Variants in COLEC10 observed in about 807,000 individuals in gnomAD.
The protein encoded by COLEC10 is collectin-10.
Under a neutral mutation model 28.4 loss-of-function variants are expected in COLEC10, and 22 were observed. The ratio of observed to expected loss-of-function variants is 0.78; its 90% CI spans 0.55 to 1.11. COLEC10 has a LOEUF of 1.11. Among genes scored for constraint, COLEC10 ranks in the 50% least tolerant of loss-of-function variants. The pLI, the probability that COLEC10 is intolerant of heterozygous loss-of-function variation, is 0.00. For missense variants in COLEC10, 361 were observed against 344.1 expected, an observed-to-expected ratio of 1.05 and a Z score of -0.39; for synonymous variants, 125 against 116.1, an observed-to-expected ratio of 1.08 and a Z score of -0.49.
chr8:119,042,173 T>C (rs1814511184), intron 2 of COLEC10, among the ~76,000 whole-genome samples: 1 of 151,732 alleles, frequency 6.6e-6, no homozygotes, highest in African/African-American at 2.4e-5. Flanking sequence ...AATTTTTGTA[T>C]TTTTAGTAGA....
chr8:119,036,200 G>T (rs1814387263), intron 2 of COLEC10, among the ~76,000 whole-genome samples: 1 of 151,978 alleles, frequency 6.6e-6, no homozygotes. Flanking sequence ...GTTTATCCAA[G>T]AAGAAATTTA....
At chr8:118,968,911 T>C in the COLEC10 span, among the ~76,000 whole-genome samples, 1 of 152,118 alleles carries the variant, frequency 6.6e-6, no homozygotes, top group African/African-American at 2.4e-5. Context: ...AGAATGATGG[T>C]TTTGAACAAA....
intron 2 of COLEC10, among the ~76,000 whole-genome samples, chr8:119,042,926 C>A (rs147215430): frequency 2.6e-5 from 4 of 152,016 alleles, no homozygotes; most frequent in Non-Finnish European, 5.9e-5. Context: ...AATGAAGAAG[C>A]AATCCTGCTT....
chr8:118,982,920 T>A, the COLEC10 span: 2 of 152,190 alleles, frequency 1.3e-5, no homozygotes, highest in African/African-American at 4.8e-5. Context: ...GAGCTGTGGA[T>A]CTCAGTGCAC....
chr8:119,027,701 T>G (rs1814218088), intron 2 of COLEC10, among the ~76,000 whole-genome samples: 1 of 152,194 alleles, frequency 6.6e-6, no homozygotes, highest in Admixed American at 6.5e-5. Flanking sequence ...TGAGTTTAAC[T>G]TCTCTGCACA....
rs187441246 is a variant in COLEC10 at position 119,067,679 on chromosome 8, G to A, written c.148+250G>A. 53 of 391,062 alleles carry A rather than the reference G, an allele frequency of 1.4e-4. No individual in the cohort carries two copies. In the Admixed American group the frequency reaches 2.3e-3, roughly 17 times the overall value. The allele number at this position is 391,062 out of a possible 1,614,324, so 24.2% of individuals were successfully genotyped here. A position where few individuals can be genotyped will look rare whatever the true frequency, so the allele number is the denominator to read the frequency against. On this transcript the variant is annotated intron_variant, in intron 1 of 5. Transcript: ENST00000332843. ...GGAGATCTGAGGGAACTTACCCAGG[G>A]CAGGGGGAAATTCCCTGTTCCATTC...
intron 2 of COLEC10, among the ~76,000 whole-genome samples, chr8:119,040,968 T>A (rs1814483885): frequency 1.3e-5 from 2 of 152,160 alleles, no homozygotes; most frequent in South Asian, 4.1e-4. Context: ...GGACAATCCC[T>A]TAGGAAAAAA....
chr8:119,069,627 AAAATATATATATATAT>A (rs1444176508), intron 1 of COLEC10, among the ~76,000 whole-genome samples: 8 of 45,152 alleles, frequency 1.8e-4, no homozygotes, highest in South Asian at 2.4e-3. Context: ...AAAAAAAAAA[AAAATATATATATATAT>A]ATATATATAT....
intron 1 of COLEC10, among the ~76,000 whole-genome samples, chr8:119,088,221 G>T (rs1245626331): frequency 6.7e-6 from 1 of 150,126 alleles, no homozygotes; most frequent in Non-Finnish European, 1.5e-5. Flanking sequence ...AAGAGAGAGA[G>T]AAAGAAAAAA....
the COLEC10 span, among the ~76,000 whole-genome samples, chr8:118,962,219 G>T: frequency 6.6e-6 from 1 of 152,192 alleles, no homozygotes; most frequent in African/African-American, 2.4e-5. Flanking sequence ...AGTATGATGA[G>T]GAAAGTCCAA....
intron 2 of COLEC10, among the ~76,000 whole-genome samples, chr8:119,021,020 A>G (rs1814080997): frequency 6.6e-6 from 1 of 152,298 alleles, no homozygotes; most frequent in African/African-American, 2.4e-5. Flanking sequence ...TATATGGAAT[A>G]TAGAAATTGA....
At chr8:119,019,057 C>A (rs575380150) in intron 2 of COLEC10, among the ~76,000 whole-genome samples, 1 of 152,124 alleles carries the variant, frequency 6.6e-6, no homozygotes. Context: ...TGCAGTTACC[C>A]GCATCCAACA....
At chr8:118,953,638 A>T in the COLEC10 span, among the ~76,000 whole-genome samples, 5 of 152,206 alleles carry the variant, frequency 3.3e-5, no homozygotes, top group African/African-American at 1.2e-4. Context: ...AGCAAATGGG[A>T]GCGTTTAAAA....
chr8:118,956,672 G>C, the COLEC10 span, among the ~76,000 whole-genome samples: 1 of 152,088 alleles, frequency 6.6e-6, no homozygotes, highest in African/African-American at 2.4e-5. Flanking sequence ...CTCATCAGAT[G>C]GCTTCTGAAC....
the COLEC10 span, among the ~76,000 whole-genome samples, chr8:118,959,968 G>A: frequency 1.3e-5 from 2 of 152,236 alleles, no homozygotes; most frequent in Non-Finnish European, 2.9e-5. Context: ...GTCCTTAGAA[G>A]TTTAGAGATA....
intron 1 of COLEC10, among the ~76,000 whole-genome samples, chr8:119,080,769 C>T (rs910686894): frequency 1.8e-4 from 27 of 152,080 alleles, no homozygotes; most frequent in African/African-American, 5.5e-4. Context: ...TCTTCTCCCC[C>T]GTAGACATCA....
intron 1 of COLEC10, among the ~76,000 whole-genome samples, chr8:119,086,392 G>T (rs995064762): frequency 2.0e-5 from 3 of 152,084 alleles, no homozygotes; most frequent in South Asian, 2.1e-4. Context: ...GGGGAGGTGG[G>T]GGGGGTCCCT....
chr8:118,996,162 T>C (rs1813585702), intron 1 of COLEC10, among the ~76,000 whole-genome samples: 1 of 152,206 alleles, frequency 6.6e-6, no homozygotes, highest in African/African-American at 2.4e-5. Flanking sequence ...TTATTTCAGT[T>C]AGCATAGTGT....
chr8:119,008,368 T>C (rs774058122), intron 1 of COLEC10, among the ~76,000 whole-genome samples: 4 of 150,974 alleles, frequency 2.6e-5, no homozygotes, highest in Non-Finnish European at 5.9e-5. Context: ...TCTGGGGTAG[T>C]ATTCATTTGT....
Sources: gnomAD v4.1 joint callset for allele counts (sites outside exome capture counted in the v4.1 genomes callset) on GRCh38, gnomAD v4.1.1 for gene constraint, MANE v1.5 for transcripts, NCBI Gene and HGNC (gene_info 2026-07-23, HGNC 2026-07-21) for gene names.